Variants in TMEM230 observed in about 807,000 individuals in gnomAD.
The protein encoded by TMEM230 is UPF0414 transmembrane protein C20orf30.
In TMEM230, 10 loss-of-function variants were observed where a neutral mutation model predicts 15.8. The observed-to-expected ratio is 0.63, with a 90% confidence interval of 0.39 to 1.07. TMEM230 has a LOEUF of 1.07. TMEM230 is among the 50% of genes least tolerant of loss of function. TMEM230 has a pLI of 0.01. For synonymous variants in TMEM230, 67 were observed against 76.9 expected (o/e 0.87, Z 0.68); for missense variants, 165 against 193.3 (o/e 0.85, Z 0.87).
At chr20:5,112,022 T>C (rs1263592447) in intron 1 of TMEM230, among the ~76,000 whole-genome samples, 2 of 152,152 alleles carry the variant, frequency 1.3e-5, no homozygotes, top group African/African-American at 2.4e-5. Context: ...AATTTTTCTA[T>C]TTTTAGTAGA....
Position 5,100,027 on chromosome 20 carries a change from T to C in TMEM230, c.*764A>G, listed in dbSNP as rs1282508133. ...AGAATGATGACATACTACAAGGTGC[T>C]AGCAATACGGCTATAAACTCTAAAT... On this transcript the variant is annotated 3_prime_UTR_variant, in exon 5 of 5. Transcript: ENST00000342308. 24 of 985,386 alleles carry C rather than the reference T, an allele frequency of 2.4e-5. 1 individual carries two copies. In the Middle Eastern group the frequency reaches 1.6e-3, roughly 64 times the overall value. The allele number at this position is 985,386 out of a possible 1,614,324, so 61.0% of individuals were successfully genotyped here. A position where few individuals can be genotyped will look rare whatever the true frequency, so the allele number is the denominator to read the frequency against.
In TMEM230 at chr20:5,070,265, C is replaced by G. The variant is rs183229905; in HGVS notation, c.223-916G>C. On this transcript the variant is annotated intron_variant, in intron 3 of 3. Coordinates refer to the TMEM230 transcript ENST00000612323. ...TCAGCAGACAATTAGCATCACCTACCGGCCACATAAATGAGCCATCTTGTA... is the reference window on the plus strand; with the variant it reads ...TCAGCAGACAATTAGCATCACCTACGGGCCACATAAATGAGCCATCTTGTA... 5.5e-4 allele frequency among the ~76,000 whole-genome samples: 83 copies of G among 152,248 alleles called. No homozygotes were observed. In the East Asian group the frequency reaches 0.01, roughly 19 times the overall value.
At chr20:5,108,904 T>C (rs1169947484) in intron 3 of TMEM230, among the ~76,000 whole-genome samples, 1 of 152,210 alleles carries the variant, frequency 6.6e-6, no homozygotes, top group East Asian at 1.9e-4. Flanking sequence ...ATCTGCTGGC[T>C]TTAGTAATAA....
chr20:5,100,020 A>C lies in TMEM230; in HGVS notation c.*771T>G. ...CATGAGCAGAATGATGACATACTAC[A>C]AGGTGCTAGCAATACGGCTATAAAC... On this transcript the variant is annotated 3_prime_UTR_variant, in exon 5 of 5. Transcript: ENST00000342308. The C allele has an allele frequency of 1.0e-6, 1 of 985,346 alleles. No individual in the cohort carries two copies. The highest frequency in any genetic ancestry group is 1.2e-6 in the Non-Finnish European group (1 of 829,890). The allele number at this position is 985,346 out of a possible 1,614,324, so 61.0% of individuals were successfully genotyped here. A position where few individuals can be genotyped will look rare whatever the true frequency, so the allele number is the denominator to read the frequency against.
chr20:5,093,461 G>A (rs1416725060), intron 3 of TMEM230, among the ~76,000 whole-genome samples: 1 of 151,508 alleles, frequency 6.6e-6, no homozygotes, highest in Non-Finnish European at 1.5e-5. Context: ...GGCTGGTCTT[G>A]AACTCCTGGG....
At chr20:5,086,858 C>T (rs1448107637) in intron 3 of TMEM230, among the ~76,000 whole-genome samples, 5 of 151,756 alleles carry the variant, frequency 3.3e-5, no homozygotes, top group Admixed American at 6.6e-5. Flanking sequence ...CACTGCCACG[C>T]CTGGCTAATT....
chr20:5,082,505 G>A (rs984093995), intron 3 of TMEM230, among the ~76,000 whole-genome samples: 3 of 152,064 alleles, frequency 2.0e-5, no homozygotes, highest in East Asian at 1.9e-4. Context: ...GCAGTGGCAC[G>A]ATCTAGGCTC....
intron 3 of TMEM230, among the ~76,000 whole-genome samples, chr20:5,078,984 A>G (rs1166554966): frequency 2.6e-5 from 4 of 152,124 alleles, no homozygotes; most frequent in African/African-American, 9.7e-5. Context: ...TTCCAACACT[A>G]TTTATTAAAC....
chr20:5,091,867 CTG>C (rs2089516844), intron 3 of TMEM230, among the ~76,000 whole-genome samples: 1 of 152,160 alleles, frequency 6.6e-6, no homozygotes, highest in South Asian at 2.1e-4. Context: ...AAAGCTGACA[CTG>C]TAAATAGTTA....
At chr20:5,103,524 G>A (rs1391872332) in intron 4 of TMEM230, among the ~76,000 whole-genome samples, 2 of 151,680 alleles carry the variant, frequency 1.3e-5, no homozygotes, top group Non-Finnish European at 2.9e-5. Context: ...TTAACCAAGT[G>A]TGGTGGCACA....
intron 3 of TMEM230, among the ~76,000 whole-genome samples, chr20:5,078,753 A>G (rs577258500): frequency 6.6e-6 from 1 of 152,318 alleles, no homozygotes; most frequent in East Asian, 1.9e-4. Context: ...AGGAAGTTCA[A>G]TCCAAACATG....
chr20:5,076,598 T>C (rs2089005135), intron 3 of TMEM230, among the ~76,000 whole-genome samples: 1 of 151,978 alleles, frequency 6.6e-6, no homozygotes. Context: ...CACCAATTTG[T>C]ATTTGTCTGT....
chr20:5,098,792 C>T (rs1303856429), downstream of TMEM230, among the ~76,000 whole-genome samples: 2 of 151,088 alleles, frequency 1.3e-5, no homozygotes, highest in Non-Finnish European at 2.9e-5. Flanking sequence ...GAAAGATATA[C>T]AAAATAGAAT....
At chr20:5,087,954 A>C (rs1489308716) in intron 3 of TMEM230, among the ~76,000 whole-genome samples, 1 of 147,320 alleles carries the variant, frequency 6.8e-6, no homozygotes, top group Admixed American at 6.8e-5. Flanking sequence ...TGGCCTCCCA[A>C]AGTGCTGGGA....
chr20:5,112,814 C>T, intron 1 of TMEM230, 147 bp downstream of exon 1: 3 of 1,514,282 alleles, frequency 2.0e-6, no homozygotes, highest in South Asian at 2.5e-5. Context: ...ACAAAACGGG[C>T]TTCTGGAAAG....
chr20:5,105,140 C>A (rs2090019871), intron 4 of TMEM230, among the ~76,000 whole-genome samples: 1 of 152,104 alleles, frequency 6.6e-6, no homozygotes, highest in African/African-American at 2.4e-5. Flanking sequence ...CAAAAATAAG[C>A]CAAGTGTGCT....
chr20:5,066,536 G>A (rs2088654905), downstream of TMEM230, among the ~76,000 whole-genome samples: 1 of 152,000 alleles, frequency 6.6e-6, no homozygotes, highest in Non-Finnish European at 1.5e-5. Flanking sequence ...GCTGGGTGTG[G>A]TGGCGTATGC....
At chr20:5,069,158 G>A (rs2088744711) in exon 4 of TMEM230, 1 of 1,500,438 alleles carries the variant, frequency 6.7e-7, no homozygotes, top group Non-Finnish European at 8.8e-7. Flanking sequence ...GCCCTTTTAA[G>A]ATGCTTATCT....
chr20:5,105,055 C>T (rs1020953343), intron 4 of TMEM230, among the ~76,000 whole-genome samples: 4 of 152,194 alleles, frequency 2.6e-5, no homozygotes, highest in Non-Finnish European at 4.4e-5. Context: ...GAGGCCCACG[C>T]GGGCAGGCCG....
Sources: allele counts gnomAD v4.1 joint callset (sites outside exome capture counted in the v4.1 genomes callset), GRCh38; gene constraint gnomAD v4.1.1; transcripts MANE v1.5; gene names NCBI Gene and HGNC (gene_info 2026-07-23, HGNC 2026-07-21).